The following FHOD3 variants were observed in gnomAD, a reference collection of about 807,000 sequenced individuals.
FHOD3 encodes the protein formin homology 2 domain containing 3, also known as FH1/FH2 domain-containing protein 3.
In FHOD3, 90 loss-of-function variants were observed where a neutral mutation model predicts 173.0. That is an observed-to-expected ratio of 0.52 (90% CI 0.44 to 0.62). The LOEUF is 0.62. Ranked by LOEUF, FHOD3 falls within the 20% of genes least tolerant of loss-of-function variation. The probability of loss-of-function intolerance (pLI) is 0.00; values close to 1 mark genes in which losing one functional copy is unlikely to be tolerated. For synonymous variants in FHOD3, 828 were observed against 823.0 expected (o/e 1.01, Z -0.10); for missense variants, 1,945 against 2,034.7 (o/e 0.96, Z 0.85).
intron 3 of FHOD3, among the ~76,000 whole-genome samples, chr18:36,405,030 C>G (rs2048993783): frequency 1.3e-5 from 2 of 152,304 alleles, no homozygotes; most frequent in African/African-American, 4.8e-5. Flanking sequence ...GTGACCAGGG[C>G]TGAGAACCAC....
intron 1 of FHOD3, among the ~76,000 whole-genome samples, chr18:36,311,150 C>A (rs2092246708): frequency 6.6e-6 from 1 of 152,010 alleles, no homozygotes; most frequent in African/African-American, 2.4e-5. Flanking sequence ...TGAAAGGCCA[C>A]CTGTGTAGAT....
At chr18:36,496,154 G>A (rs1309168231) in intron 3 of FHOD3, among the ~76,000 whole-genome samples, 2 of 152,180 alleles carry the variant, frequency 1.3e-5, no homozygotes, top group African/African-American at 4.8e-5. Context: ...ATGTTACCCA[G>A]CAGATAAAGC....
chr18:36,773,291 A>G (rs1269149614), intron 28 of FHOD3, among the ~76,000 whole-genome samples: 2 of 152,204 alleles, frequency 1.3e-5, no homozygotes, highest in Non-Finnish European at 1.5e-5. Context: ...TGCCAGGTTC[A>G]AAAGGATGAA....
chr18:36,705,004 A>G (rs200972589), intron 17 of FHOD3, among the ~76,000 whole-genome samples: 1 of 152,178 alleles, frequency 6.6e-6, no homozygotes, highest in South Asian at 2.1e-4. Flanking sequence ...TCTCTCTCTA[A>G]GGTTTGCTTC....
chr18:36,529,879 C>T (rs368138159), intron 5 of FHOD3, among the ~76,000 whole-genome samples: 4 of 152,180 alleles, frequency 2.6e-5, no homozygotes, highest in Admixed American at 6.5e-5. Flanking sequence ...AGAATCCCAT[C>T]GTTCAGCATC....
At chr18:36,763,022 A>G (rs1445757022) in intron 27 of FHOD3, among the ~76,000 whole-genome samples, 1 of 147,874 alleles carries the variant, frequency 6.8e-6, no homozygotes, top group African/African-American at 2.5e-5. Context: ...TGCGTATTAT[A>G]CACTTTATAT....
At position 36,649,256 on chromosome 18, in the gene FHOD3, T is replaced by C. The variant is rs979188618; in HGVS notation, c.1197-60T>C. The C allele has an allele frequency of 2.5e-5, 30 of 1,223,412 alleles. No individual in the cohort carries two copies. The African/African-American group carries it at 3.9e-4, about 16-fold the overall frequency. The allele number at this position is 1,223,412 out of a possible 1,614,324, so 75.8% of individuals were successfully genotyped here. On this transcript the variant is annotated intron_variant, in intron 10 of 28. Transcript: ENST00000590592. ...GCTTCATCTTCCTGTTTGTCTGTAA[T>C]GCTCATCTCACTTTTCCATGTTGTC...
chr18:36,686,998 C>A, intron 15 of FHOD3, 130 bp from the exon 16 acceptor site: 1 of 619,076 alleles, frequency 1.6e-6, no homozygotes, highest in Non-Finnish European at 2.8e-6. Context: ...AATTCAGCTA[C>A]AACCATTTTA....
At chr18:36,529,771 G>C (rs2146817861) in intron 5 of FHOD3, among the ~76,000 whole-genome samples, 1 of 152,296 alleles carries the variant, frequency 6.6e-6, no homozygotes, top group African/African-American at 2.4e-5. Context: ...CTGCACTCCA[G>C]CCTGGGTGAA....
chr18:36,389,094 T>C (rs559550234), intron 3 of FHOD3, among the ~76,000 whole-genome samples: 1 of 152,266 alleles, frequency 6.6e-6, no homozygotes, highest in South Asian at 2.1e-4. Flanking sequence ...CGTGATGATA[T>C]AGGACATCTG....
At chr18:36,500,900 A>T (rs1358799720) in intron 3 of FHOD3, among the ~76,000 whole-genome samples, 1 of 152,212 alleles carries the variant, frequency 6.6e-6, no homozygotes, top group Non-Finnish European at 1.5e-5. Context: ...CACCTGGATC[A>T]GGACCAAGTG....
chr18:36,600,252 AACACACACACACACACAC>A (rs67473480), intron 7 of FHOD3, among the ~76,000 whole-genome samples: 85 of 143,178 alleles, frequency 5.9e-4, no homozygotes, highest in African/African-American at 2.1e-3. Context: ...TCTCCTCTGC[AACACACACACACACACAC>A]ACACACACAC....
At chr18:36,378,816 G>A (rs192382502) in intron 3 of FHOD3, among the ~76,000 whole-genome samples, 8 of 152,218 alleles carry the variant, frequency 5.3e-5, no homozygotes, top group South Asian at 4.2e-4. Flanking sequence ...CTGAGTAGCT[G>A]GAACTACAGG....
At position 36,743,891 on chromosome 18, in the gene FHOD3, A is replaced by G. The variant is rs117519729; in HGVS notation, c.3880-141A>G. The G allele has an allele frequency of 0.024, 21,325 of 898,702 alleles. 350 individuals are homozygous for G. The highest frequency in any genetic ancestry group is 0.035 in the South Asian group (2,487 of 70,914). The allele number at this position is 898,702 out of a possible 1,614,324, so 55.7% of individuals were successfully genotyped here. A position where few individuals can be genotyped will look rare whatever the true frequency, so the allele number is the denominator to read the frequency against. ...GCCCATGTGTGATCAGCCATGGATCATGGAGCATGTGGCCCCAGGAGCTTC... is the reference window on the plus strand; with the variant it reads ...GCCCATGTGTGATCAGCCATGGATCGTGGAGCATGTGGCCCCAGGAGCTTC... On this transcript the variant is annotated intron_variant, in intron 22 of 28. Transcript: ENST00000590592.
intron 27 of FHOD3, among the ~76,000 whole-genome samples, chr18:36,765,167 G>A (rs2043087426): frequency 6.6e-6 from 1 of 152,244 alleles, no homozygotes; most frequent in African/African-American, 2.4e-5. Flanking sequence ...TGCTGTGCTA[G>A]AAATGTTGAA....
At chr18:36,315,792 T>A (rs1195914906) in intron 1 of FHOD3, among the ~76,000 whole-genome samples, 1 of 152,126 alleles carries the variant, frequency 6.6e-6, no homozygotes, top group Non-Finnish European at 1.5e-5. Context: ...TGCCGAGTAC[T>A]CAAGCAGACA....
chr18:36,712,604 A>G (rs944911913), intron 18 of FHOD3, among the ~76,000 whole-genome samples: 6 of 152,182 alleles, frequency 3.9e-5, no homozygotes, highest in Admixed American at 3.3e-4. Context: ...AAAAACATGA[A>G]CAGAGCCTCA....
At chr18:36,322,728 C>T (rs912570018) in intron 1 of FHOD3, among the ~76,000 whole-genome samples, 1 of 152,166 alleles carries the variant, frequency 6.6e-6, no homozygotes, top group Non-Finnish European at 1.5e-5. Context: ...TTGTCCCTAC[C>T]TGCTGTCCAC....
rs142516369 is a variant in FHOD3, at chr18:36,685,483, G to A, written c.1971-1645G>A. 4.3e-3 allele frequency among the ~76,000 whole-genome samples: 648 copies of A among 152,226 alleles called. 8 individuals carry two copies. The highest frequency in any genetic ancestry group is 0.015 in the African/African-American group (608 of 41,524). Reference sequence around the variant, plus strand: ...TTGATTTAAATTGTTTATGCTCCTCGTGCTTTTTGCAAAGCATCTAAAAGT... The same window carrying A: ...TTGATTTAAATTGTTTATGCTCCTCATGCTTTTTGCAAAGCATCTAAAAGT... On this transcript the variant is annotated intron_variant, in intron 15 of 28. Coordinates refer to ENST00000590592, the MANE Select transcript of FHOD3 (RefSeq NM_001281740.3).
Sources: gnomAD v4.1 joint callset for allele counts (sites outside exome capture counted in the v4.1 genomes callset) on GRCh38, gnomAD v4.1.1 for gene constraint, MANE v1.5 for transcripts, NCBI Gene and HGNC (gene_info 2026-07-23, HGNC 2026-07-21) for gene names.